FUT8: variants seen among roughly 807,000 people sequenced by gnomAD.
FUT8 encodes the protein fucosyltransferase 8, also known as alpha-(1,6)-fucosyltransferase.
Under a neutral mutation model 71.3 loss-of-function variants are expected in FUT8, and 29 were observed. The observed-to-expected ratio is 0.41, with a 90% CI of 0.30 to 0.55. The LOEUF (loss-of-function observed/expected upper bound fraction) is 0.55. Ranked by LOEUF, FUT8 falls within the 20% of genes least tolerant of loss-of-function variation. FUT8 has a pLI of 0.34. For missense variants in FUT8, 544 were observed against 702.1 expected, an observed-to-expected ratio of 0.77 and a Z score of 2.55; for synonymous variants, 254 against 239.3, an observed-to-expected ratio of 1.06 and a Z score of -0.57.
intron 7 of FUT8, among the ~76,000 whole-genome samples, chr14:65,714,714 A>G (rs1483061857): frequency 1.3e-5 from 2 of 152,172 alleles, no homozygotes; most frequent in Non-Finnish European, 2.9e-5. Context: ...CAATCTATGA[A>G]CATGGAATAC....
At chr14:65,475,022 A>G (rs886433486) in intron 2 of FUT8, among the ~76,000 whole-genome samples, 10 of 152,208 alleles carry the variant, frequency 6.6e-5, no homozygotes, top group African/African-American at 2.4e-4. Flanking sequence ...AGTAAATATC[A>G]CTTGAGAATA....
At chr14:65,691,243 G>GTCTT (rs1893570950) in intron 7 of FUT8, among the ~76,000 whole-genome samples, 1 of 150,726 alleles carries the variant, frequency 6.6e-6, no homozygotes, top group African/African-American at 2.5e-5. Context: ...TCTTTCTTTT[G>GTCTT]TCTTATTCCA....
At chr14:65,726,102 G>A (rs532810334) in intron 9 of FUT8, among the ~76,000 whole-genome samples, 126 of 151,996 alleles carry the variant, frequency 8.3e-4, no homozygotes, top group Admixed American at 1.9e-3. Context: ...AATGTAAGAG[G>A]GATTAAATGA....
chr14:65,650,921 T>C (rs1225468075), intron 6 of FUT8, among the ~76,000 whole-genome samples: 1 of 152,132 alleles, frequency 6.6e-6, no homozygotes, highest in Non-Finnish European at 1.5e-5. Flanking sequence ...GCTGTAGCTA[T>C]GGAGATTGTG....
At chr14:65,686,674 A>G (rs1047180382) in intron 7 of FUT8, among the ~76,000 whole-genome samples, 4 of 152,184 alleles carry the variant, frequency 2.6e-5, no homozygotes, top group African/African-American at 9.6e-5. Context: ...TGTCAGTTTG[A>G]TTTAAGTCTT....
At chr14:65,673,370 G>T (rs1892564320) in intron 7 of FUT8, among the ~76,000 whole-genome samples, 2 of 152,212 alleles carry the variant, frequency 1.3e-5, no homozygotes, top group Non-Finnish European at 2.9e-5. Context: ...GACAGACACA[G>T]TCTCTTTCGT....
At chr14:65,678,619 T>C (rs182315804) in intron 7 of FUT8, among the ~76,000 whole-genome samples, 1 of 152,168 alleles carries the variant, frequency 6.6e-6, no homozygotes, top group Non-Finnish European at 1.5e-5. Context: ...CTAATATGTA[T>C]ATAATACTAA....
intron 2 of FUT8, among the ~76,000 whole-genome samples, chr14:65,527,076 G>A (rs537661081): frequency 4.7e-4 from 72 of 152,006 alleles, no homozygotes; most frequent in African/African-American, 1.6e-3. Flanking sequence ...TCTTTGTGGC[G>A]TTCTCTGTAT....
rs183493058 is a variant in FUT8, at chr14:65,500,962, C to T, written c.-228+45244C>T. ...TCTTCTTTCTTCCTCAACTGTGCTT[C>T]TTGTATCCATTTCCCATCTTGCACC... On this transcript the variant is annotated intron_variant, in intron 2 of 10. Coordinates refer to ENST00000673929, the MANE Select transcript of FUT8 (RefSeq NM_001371533.1). Among the ~76,000 whole-genome samples the T allele has an allele frequency of 3.3e-5, 5 of 152,306 alleles. No homozygotes were observed. The East Asian group carries it at 9.6e-4, about 29-fold the overall frequency.
intron 2 of FUT8, among the ~76,000 whole-genome samples, chr14:65,510,017 G>A (rs529841317): frequency 6.6e-5 from 10 of 152,148 alleles, no homozygotes; most frequent in African/African-American, 7.2e-5. Context: ...GTTTCAGATC[G>A]TAAAAGACAG....
At chr14:65,366,110 C>T in the FUT8 span, among the ~76,000 whole-genome samples, 14 of 152,164 alleles carry the variant, frequency 9.2e-5, no homozygotes, top group Admixed American at 2.6e-4. Flanking sequence ...GATCCAGAAC[C>T]CTTTCCTGTA....
intron 10 of FUT8, among the ~76,000 whole-genome samples, chr14:65,740,925 A>G (rs1896467899): frequency 6.6e-6 from 1 of 152,054 alleles, no homozygotes; most frequent in Non-Finnish European, 1.5e-5. Context: ...ACTGCCGGGT[A>G]GTCCTAAATT....
chr14:65,701,542 A>G (rs1235150746), intron 7 of FUT8, among the ~76,000 whole-genome samples: 1 of 152,230 alleles, frequency 6.6e-6, no homozygotes, highest in Non-Finnish European at 1.5e-5. Context: ...ATTAACTCTT[A>G]ACCATGAGCT....
intron 9 of FUT8, among the ~76,000 whole-genome samples, chr14:65,725,623 T>C (rs563847305): frequency 6.6e-6 from 1 of 152,234 alleles, no homozygotes; most frequent in Non-Finnish European, 1.5e-5. Context: ...TTCTCTGTTG[T>C]AGTGTTTAGC....
intron 1 of FUT8, among the ~76,000 whole-genome samples, chr14:65,448,258 AG>A (rs1321489207): frequency 1.3e-5 from 2 of 152,168 alleles, no homozygotes; most frequent in African/African-American, 4.8e-5. Context: ...TGATGCAGGC[AG>A]GGGGTGATGA....
chr14:65,419,196 G>A (rs1052285698), intron 1 of FUT8, among the ~76,000 whole-genome samples: 1 of 152,092 alleles, frequency 6.6e-6, no homozygotes, highest in African/African-American at 2.4e-5. Context: ...GGAGGCGGAG[G>A]TTGCAGTGAG....
chr14:65,632,499 T>C (rs1430867738), intron 6 of FUT8, among the ~76,000 whole-genome samples: 1 of 152,218 alleles, frequency 6.6e-6, no homozygotes, highest in Non-Finnish European at 1.5e-5. Context: ...TTTTTTCATG[T>C]TTGTTGGCCA....
chr14:65,415,933 C>T (rs975627027), intron 1 of FUT8, among the ~76,000 whole-genome samples: 11 of 152,100 alleles, frequency 7.2e-5, no homozygotes, highest in African/African-American at 2.7e-4. Flanking sequence ...TTCACATATT[C>T]TTTAAATCCA....
the FUT8 span, among the ~76,000 whole-genome samples, chr14:65,362,268 A>G: frequency 6.6e-6 from 1 of 152,220 alleles, no homozygotes; most frequent in African/African-American, 2.4e-5. Flanking sequence ...ACTCTTTCCA[A>G]TAGCACAACG....
Sources: allele counts gnomAD v4.1 joint callset (sites outside exome capture counted in the v4.1 genomes callset), GRCh38; gene constraint gnomAD v4.1.1; transcripts MANE v1.5; gene names NCBI Gene and HGNC (gene_info 2026-07-23, HGNC 2026-07-21).